Variants in MIS18A observed in about 807,000 individuals in gnomAD.
The protein encoded by MIS18A is MIS18 kinetochore protein A.
In MIS18A, 14 loss-of-function variants were observed where a neutral mutation model predicts 25.0. The observed-to-expected ratio is 0.56, with a 90% CI of 0.37 to 0.88. The LOEUF (loss-of-function observed/expected upper bound fraction) is 0.88. Among genes scored for constraint, MIS18A ranks in the 40% least tolerant of loss-of-function variants. The pLI is 0.00. For missense variants in MIS18A, 292 were observed against 290.8 expected (o/e 1.00, Z -0.03); for synonymous variants, 134 against 118.6 (o/e 1.13, Z -0.84).
the MIS18A span, among the ~76,000 whole-genome samples, chr21:32,246,017 G>A: frequency 6.6e-6 from 1 of 152,144 alleles, no homozygotes; most frequent in Non-Finnish European, 1.5e-5. Context: ...CAAAGGGGAA[G>A]CAGGCACAGG....
chr21:32,207,176 A>G, the MIS18A span, among the ~76,000 whole-genome samples: 1 of 152,206 alleles, frequency 6.6e-6, no homozygotes, highest in South Asian at 2.1e-4. Flanking sequence ...AAAAATGTTG[A>G]GCTTCTACAA....
chr21:32,256,919 A>AG, the MIS18A span, among the ~76,000 whole-genome samples: 1 of 152,042 alleles, frequency 6.6e-6, no homozygotes, highest in Non-Finnish European at 1.5e-5. Flanking sequence ...GGAAAAAAAA[A>AG]CAGGCTAGAA....
chr21:32,259,701 T>C, the MIS18A span: 3 of 152,260 alleles, frequency 2.0e-5, no homozygotes, highest in South Asian at 6.2e-4. Flanking sequence ...GCTTCTCCCT[T>C]GCACCCAGAC....
the MIS18A span, among the ~76,000 whole-genome samples, chr21:32,238,147 C>T: frequency 6.6e-6 from 1 of 152,208 alleles, no homozygotes; most frequent in Non-Finnish European, 1.5e-5. Flanking sequence ...AAAGCCCCAT[C>T]ATAGATTTCA....
At chr21:32,226,865 T>C in the MIS18A span, among the ~76,000 whole-genome samples, 4 of 152,152 alleles carry the variant, frequency 2.6e-5, 1 homozygote, top group Middle Eastern at 3.2e-3. Flanking sequence ...AAATTTAAAT[T>C]GATTAAAAAT....
chr21:32,155,512 A>G, the MIS18A span, among the ~76,000 whole-genome samples: 1 of 152,202 alleles, frequency 6.6e-6, no homozygotes, highest in African/African-American at 2.4e-5. Context: ...AAAGAGATAA[A>G]TAACAGTTAT....
chr21:32,178,561 CAG>C, the MIS18A span, among the ~76,000 whole-genome samples: 65 of 152,316 alleles, frequency 4.3e-4, no homozygotes, highest in African/African-American at 1.5e-3. Flanking sequence ...ATTTTGAAGA[CAG>C]AGTATCTTAA....
At chr21:32,266,398 TG>T (rs1291701403), downstream of MIS18A, among the ~76,000 whole-genome samples, 1 of 152,200 alleles carries the variant, frequency 6.6e-6, no homozygotes. Context: ...GAGCCAGCAT[TG>T]GCAACCTGCT....
chr21:32,230,549 T>C, the MIS18A span, among the ~76,000 whole-genome samples: 2 of 152,184 alleles, frequency 1.3e-5, no homozygotes, highest in East Asian at 3.9e-4. Flanking sequence ...AAGGGAGTCA[T>C]CTGACTAAAT....
downstream of MIS18A, among the ~76,000 whole-genome samples, chr21:32,266,945 G>A (rs2031616953): frequency 6.6e-6 from 1 of 151,374 alleles, no homozygotes; most frequent in Admixed American, 6.6e-5. Flanking sequence ...GGTTTTAGCA[G>A]GTGGATATAT....
chr21:32,275,874 C>T (rs550172087), intron 1 of MIS18A, among the ~76,000 whole-genome samples: 45 of 152,264 alleles, frequency 3.0e-4, no homozygotes, highest in African/African-American at 1.0e-3. Flanking sequence ...CACCTCTTGC[C>T]TGGACTACTG....
At chr21:32,220,607 A>G in the MIS18A span, among the ~76,000 whole-genome samples, 2 of 152,160 alleles carry the variant, frequency 1.3e-5, no homozygotes, top group Non-Finnish European at 2.9e-5. Context: ...CAGCAAAGGA[A>G]CAAAACTAGA....
At position 32,268,920 on chromosome 21, in the gene MIS18A, G is replaced by A. The variant is rs545432035; in HGVS notation, c.*117C>T. 1.4e-6 allele frequency: 1 copy of A among 730,676 alleles called. No homozygotes were observed. The highest frequency in any genetic ancestry group is 2.2e-6 in the Non-Finnish European group (1 of 460,470). The allele number at this position is 730,676 out of a possible 1,614,324, so 45.3% of individuals were successfully genotyped here. A position where few individuals can be genotyped will look rare whatever the true frequency, so the allele number is the denominator to read the frequency against. On this transcript the variant is annotated 3_prime_UTR_variant, in exon 5 of 5. Coordinates refer to ENST00000290130, the MANE Select transcript of MIS18A (RefSeq NM_018944.3). ...ATCCTCCCACCTCAGCGTTTCGCAT[G>A]CCTGGCTAATTTTTTTTTTCTTTTT...
At chr21:32,244,181 T>G in the MIS18A span, among the ~76,000 whole-genome samples, 1 of 152,170 alleles carries the variant, frequency 6.6e-6, no homozygotes, top group Admixed American at 6.5e-5. Context: ...CAGTATGATT[T>G]CCTTCATATA....
chr21:32,248,754 T>C, the MIS18A span, among the ~76,000 whole-genome samples: 4 of 152,232 alleles, frequency 2.6e-5, no homozygotes, highest in Non-Finnish European at 4.4e-5. Flanking sequence ...TCCATGTTTA[T>C]TTAACCTGCA....
the MIS18A span, among the ~76,000 whole-genome samples, chr21:32,258,834 TTTTATTTATTTATTTA>T: frequency 6.4e-4 from 90 of 140,906 alleles, no homozygotes; most frequent in Middle Eastern, 3.5e-3. Flanking sequence ...AGGGTCTGCA[TTTTATTTATTTATTTA>T]TTTATTTATT....
At chr21:32,239,113 G>A in the MIS18A span, among the ~76,000 whole-genome samples, 10 of 152,192 alleles carry the variant, frequency 6.6e-5, no homozygotes, top group African/African-American at 2.4e-4. Context: ...ATGGGATTAT[G>A]AGTAACTTAT....
chr21:32,218,870 G>A, the MIS18A span, among the ~76,000 whole-genome samples: 1 of 152,014 alleles, frequency 6.6e-6, no homozygotes, highest in East Asian at 1.9e-4. Context: ...TTCAAGACCA[G>A]CCTGGCCAAC....
chr21:32,164,822 T>C, the MIS18A span, among the ~76,000 whole-genome samples: 4 of 152,148 alleles, frequency 2.6e-5, no homozygotes, highest in Admixed American at 2.0e-4. Flanking sequence ...CCCAGAAAAT[T>C]GCAAAGTTCT....
Sources: allele counts gnomAD v4.1 joint callset (sites outside exome capture counted in the v4.1 genomes callset), GRCh38; gene constraint gnomAD v4.1.1; transcripts MANE v1.5; gene names NCBI Gene and HGNC (gene_info 2026-07-23, HGNC 2026-07-21).